Variants in NINL observed in about 807,000 individuals in gnomAD.
NINL encodes the protein ninein-like protein.
In NINL, 153 loss-of-function variants were observed where a neutral mutation model predicts 160.3. The observed-to-expected ratio is 0.95, with a 90% CI of 0.84 to 1.09. The LOEUF is 1.09. Ranked by LOEUF, NINL falls within the 50% of genes least tolerant of loss-of-function variation. NINL has a pLI of 0.00. For synonymous variants in NINL, 800 were observed against 734.8 expected (o/e 1.09, Z -1.43); for missense variants, 1,829 against 1,764.0 (o/e 1.04, Z -0.66).
intron 1 of NINL, among the ~76,000 whole-genome samples, chr20:25,553,191 C>T (rs914684343): frequency 6.7e-6 from 1 of 148,342 alleles, no homozygotes; most frequent in African/African-American, 2.5e-5. Context: ...TGCAGCCTCA[C>T]ATTCCTGGGC....
chr20:25,457,032 G>A (rs891899187), intron 22 of NINL, among the ~76,000 whole-genome samples: 1 of 151,872 alleles, frequency 6.6e-6, no homozygotes, highest in Admixed American at 6.6e-5. Flanking sequence ...GTTTAAAAAT[G>A]TTCTGGCCCA....
intron 16 of NINL, among the ~76,000 whole-genome samples, chr20:25,478,054 T>A (rs754397647): frequency 2.6e-5 from 4 of 151,904 alleles, no homozygotes; most frequent in Non-Finnish European, 5.9e-5. Flanking sequence ...ATTCAAGTGA[T>A]TCTCCTGCCT....
intron 15 of NINL, 148 bp downstream of exon 15, chr20:25,480,010 TTTC>T (rs2063353526): frequency 3.1e-6 from 2 of 636,460 alleles, no homozygotes; most frequent in Non-Finnish European, 5.6e-6. Context: ...TTTTATTGCA[TTTC>T]TCTACAAACT....
chr20:25,500,121 G>T (rs868294103), intron 8 of NINL, among the ~76,000 whole-genome samples: 47 of 152,250 alleles, frequency 3.1e-4, no homozygotes, highest in African/African-American at 1.1e-3. Context: ...TTGTTCAGTT[G>T]AGTTCACTGC....
chr20:25,468,786 C>T (rs1320239154), intron 18 of NINL, among the ~76,000 whole-genome samples: 3 of 144,490 alleles, frequency 2.1e-5, no homozygotes, highest in African/African-American at 7.9e-5. Flanking sequence ...CCCGCTTGCC[C>T]TGTCCCCCTG....
chr20:25,498,520 G>A (rs1420504761), intron 8 of NINL, among the ~76,000 whole-genome samples, 174 bp from the exon 9 acceptor site: 3 of 152,182 alleles, frequency 2.0e-5, no homozygotes, highest in Non-Finnish European at 2.9e-5. Context: ...TCCATCCCAC[G>A]CAACTCTGGT....
intron 1 of NINL, among the ~76,000 whole-genome samples, chr20:25,574,193 T>G (rs2065088546): frequency 6.6e-6 from 1 of 152,208 alleles, no homozygotes; most frequent in African/African-American, 2.4e-5. Context: ...TATGGCACCT[T>G]AAATTCCCTT....
intron 13 of NINL, among the ~76,000 whole-genome samples, chr20:25,484,004 G>A (rs1479064166): frequency 6.6e-6 from 1 of 152,140 alleles, no homozygotes; most frequent in Non-Finnish European, 1.5e-5. Context: ...TGGGACATTT[G>A]CTCTGGGGCA....
chr20:25,465,062 G>A (rs1323245033), intron 19 of NINL, among the ~76,000 whole-genome samples: 2 of 152,192 alleles, frequency 1.3e-5, no homozygotes, highest in Non-Finnish European at 2.9e-5. Flanking sequence ...CTGGGTGTGT[G>A]TTAAAACAAA....
chr20:25,523,950 T>C (rs1261422032), intron 2 of NINL, among the ~76,000 whole-genome samples: 1 of 152,200 alleles, frequency 6.6e-6, no homozygotes. Context: ...AGATATGTAG[T>C]ATTTGAACTG....
At chr20:25,536,671 A>G (rs959010236) in intron 1 of NINL, among the ~76,000 whole-genome samples, 2 of 152,100 alleles carry the variant, frequency 1.3e-5, no homozygotes, top group African/African-American at 4.8e-5. Context: ...GTAAGCTGAG[A>G]TCATGCCACT....
At chr20:25,575,078 G>C (rs1389129717) in intron 1 of NINL, among the ~76,000 whole-genome samples, 2 of 152,104 alleles carry the variant, frequency 1.3e-5, no homozygotes, top group Non-Finnish European at 2.9e-5. Context: ...TTATTGGTTG[G>C]AGGTCTTTAG....
At chr20:25,575,472 G>C (rs2065104793) in intron 1 of NINL, among the ~76,000 whole-genome samples, 1 of 147,226 alleles carries the variant, frequency 6.8e-6, no homozygotes, top group Admixed American at 6.9e-5. Flanking sequence ...AAAAGAATAG[G>C]CCAGGTGTGG....
At chr20:25,523,260 A>T (rs905259219) in intron 2 of NINL, among the ~76,000 whole-genome samples, 7 of 151,610 alleles carry the variant, frequency 4.6e-5, no homozygotes, top group African/African-American at 1.7e-4. Context: ...GAGAATATAT[A>T]TATATATATG....
At chr20:25,565,841 T>C (rs1477357547) in intron 1 of NINL, among the ~76,000 whole-genome samples, 1 of 152,186 alleles carries the variant, frequency 6.6e-6, no homozygotes, top group Non-Finnish European at 1.5e-5. Flanking sequence ...CAAATCTATC[T>C]GCTGAGCTGC....
chr20:25,535,518 T>TA (rs1349429116), intron 1 of NINL, among the ~76,000 whole-genome samples: 3 of 152,142 alleles, frequency 2.0e-5, no homozygotes, highest in Non-Finnish European at 4.4e-5. Context: ...ACACCATAAA[T>TA]ATATGCATTT....
chr20:25,497,020 G>C (rs2146748267), intron 9 of NINL, among the ~76,000 whole-genome samples: 1 of 152,316 alleles, frequency 6.6e-6, no homozygotes, highest in South Asian at 2.1e-4. Flanking sequence ...CACGTGACTT[G>C]GCAAGGAAAG....
chr20:25,489,090 C>T (rs1208037869), intron 13 of NINL, 154 bp downstream of exon 13: 1 of 729,740 alleles, frequency 1.4e-6, no homozygotes, highest in Non-Finnish European at 2.4e-6. Flanking sequence ...GCCAGGGAAC[C>T]CTAAGTCTAG....
At chr20:25,493,039 C>T (rs959013498) in intron 10 of NINL, among the ~76,000 whole-genome samples, 3 of 152,162 alleles carry the variant, frequency 2.0e-5, no homozygotes, top group South Asian at 2.1e-4. Context: ...CTTAGCACCT[C>T]GAATGCATCC....
Sources: gnomAD v4.1 joint callset for allele counts (sites outside exome capture counted in the v4.1 genomes callset) on GRCh38, gnomAD v4.1.1 for gene constraint, MANE v1.5 for transcripts, NCBI Gene and HGNC (gene_info 2026-07-23, HGNC 2026-07-21) for gene names.